The following GRAMD1B variants were observed in gnomAD, a reference collection of about 807,000 sequenced individuals.
GRAMD1B encodes the protein GRAM domain containing 1B.
In GRAMD1B, 37 loss-of-function variants were observed where a neutral mutation model predicts 99.7. The observed-to-expected ratio is 0.37, with a 90% CI of 0.29 to 0.49. GRAMD1B has a LOEUF of 0.49. Ranked by LOEUF, GRAMD1B falls within the 20% of genes least tolerant of loss-of-function variation. The probability of loss-of-function intolerance (pLI) is 0.98; values close to 1 mark genes in which losing one functional copy is unlikely to be tolerated. For missense variants in GRAMD1B, 888 were observed against 1,009.2 expected (o/e 0.88, Z 1.63); for synonymous variants, 427 against 387.6 (o/e 1.10, Z -1.19).
rs541546146 is a variant in GRAMD1B, at chr11:123,512,694, A to G, written c.452+31801A>G. On this transcript the variant is annotated intron_variant, in intron 2 of 19. Transcript: ENST00000635736. ...GAAACCGATGTCATTTCAAAGCAGCATTGTGAATCTTTTTTTTTTTTTTTT... is the reference window on the plus strand; with the variant it reads ...GAAACCGATGTCATTTCAAAGCAGCGTTGTGAATCTTTTTTTTTTTTTTTT... Among the ~76,000 whole-genome samples the G allele has an allele frequency of 4.3e-5, 6 of 140,706 alleles. No individual in the cohort carries two copies. The South Asian group carries it at 1.1e-3, about 27-fold the overall frequency. The allele number at this position is 140,706 out of a possible 152,430, so 92.3% of individuals were successfully genotyped here.
chr11:123,386,766 C>T (rs1192245781), intron 1 of GRAMD1B, among the ~76,000 whole-genome samples: 3 of 152,162 alleles, frequency 2.0e-5, no homozygotes, highest in South Asian at 2.1e-4. Flanking sequence ...ATACTTCTTC[C>T]TTAAAAAACA....
intron 1 of GRAMD1B, among the ~76,000 whole-genome samples, chr11:123,411,216 G>C (rs748279850): frequency 6.6e-6 from 1 of 151,972 alleles, no homozygotes; most frequent in Non-Finnish European, 1.5e-5. Flanking sequence ...GTGTTAGCCA[G>C]GATGGTCTCG....
chr11:123,547,678 C>T lies in GRAMD1B; in HGVS notation c.453-29689C>T, dbSNP rs184460349. ...TAAGGCATCTCTCCTTTAGTCTAAA[C>T]ATGCCTAGTTACTTTACAGTTTTGC... On this transcript the variant is annotated intron_variant, in intron 2 of 19. Transcript: ENST00000635736. 1.4e-3 allele frequency among the ~76,000 whole-genome samples: 213 copies of T among 152,328 alleles called. 1 individual carries two copies. The highest frequency in any genetic ancestry group is 6.9e-4 in the Non-Finnish European group (47 of 68,020).
intron 1 of GRAMD1B, among the ~76,000 whole-genome samples, chr11:123,478,613 C>T (rs1951425020): frequency 6.6e-6 from 1 of 152,102 alleles, no homozygotes; most frequent in Non-Finnish European, 1.5e-5. Context: ...TTGCAAATAT[C>T]AGCTTAGAAT....
chr11:123,594,756 G>T lies in GRAMD1B; in HGVS notation c.791G>T (p.Arg264Ile). The change falls in exon 6 of 20, where the codon AGA becomes ATA. Residue 264 changes from arginine (R) to isoleucine (I), a missense_variant. This residue lies in a region of GRAMD1B where 62 missense variants were observed against 139.4 expected (regional missense o/e 0.44). Transcript: ENST00000635736. ...LIVDYSCALQ[R>I]DILLQGRLYL... is the part of the protein sequence containing the mutation. The stretch of plus-strand genomic sequence containing the variant: ...ACAGATTACTCATGTGCACTCCAAA[G>T]AGACATTCTCCTTCAGGGCCGACTC... 1 of 1,595,516 alleles carries T rather than the reference G, an allele frequency of 6.3e-7. No homozygotes were observed. Among genetic ancestry groups the T allele is most frequent in the Non-Finnish European group, 8.6e-7 (1 of 1,163,104 alleles).
intron 2 of GRAMD1B, among the ~76,000 whole-genome samples, chr11:123,488,918 G>C (rs1938195036): frequency 6.6e-6 from 1 of 151,830 alleles, no homozygotes; most frequent in African/African-American, 2.4e-5. Flanking sequence ...TTGGAGCTCA[G>C]GGAAAATAGT....
intron 2 of GRAMD1B, among the ~76,000 whole-genome samples, chr11:123,523,824 T>A (rs1290170059): frequency 6.6e-6 from 1 of 152,178 alleles, no homozygotes; most frequent in Non-Finnish European, 1.5e-5. Flanking sequence ...CCCTTCAATA[T>A]CTGTGCTGAA....
intron 2 of GRAMD1B, among the ~76,000 whole-genome samples, chr11:123,549,887 G>T (rs1257122180): frequency 1.3e-5 from 2 of 152,078 alleles, no homozygotes; most frequent in Admixed American, 1.3e-4. Flanking sequence ...CTGGGGGAGG[G>T]TGACTGAGCA....
chr11:123,364,662 T>C (rs893456579), intron 1 of GRAMD1B, among the ~76,000 whole-genome samples: 4 of 152,172 alleles, frequency 2.6e-5, no homozygotes, highest in Non-Finnish European at 4.4e-5. Flanking sequence ...TTTCAGAGTA[T>C]GGCTTCCCAG....
At chr11:123,540,368 C>G (rs1273536186) in intron 2 of GRAMD1B, among the ~76,000 whole-genome samples, 1 of 152,200 alleles carries the variant, frequency 6.6e-6, no homozygotes, top group East Asian at 1.9e-4. Flanking sequence ...GCATGAGCCA[C>G]AGCACCCAGC....
chr11:123,593,681 TG>T, intron 4 of GRAMD1B, among the ~76,000 whole-genome samples: 1 of 152,126 alleles, frequency 6.6e-6, no homozygotes, highest in Non-Finnish European at 1.5e-5. Flanking sequence ...GGCAACATCA[TG>T]GGGGGCTGGG....
intron 1 of GRAMD1B, among the ~76,000 whole-genome samples, chr11:123,363,579 T>TTGTTTTTTTTTTTG (rs1373825615): frequency 1.4e-4 from 21 of 149,630 alleles, no homozygotes; most frequent in African/African-American, 5.1e-4. Context: ...ACTTTTTTTT[T>TTGTTTTTTTTTTTG]GTTTGTTTTT....
chr11:123,471,432 A>G (rs1951011231), intron 1 of GRAMD1B, among the ~76,000 whole-genome samples: 1 of 152,202 alleles, frequency 6.6e-6, no homozygotes, highest in Non-Finnish European at 1.5e-5. Context: ...GAGTGTCTGA[A>G]TGAGTCCCGG....
Position 123,625,524 on chromosome 11 carries a change from G to A in GRAMD1B, c.*2929G>A, listed in dbSNP as rs1328951657. On this transcript the variant is annotated 3_prime_UTR_variant, in exon 20 of 20. Coordinates refer to ENST00000635736, the MANE Select transcript of GRAMD1B (RefSeq NM_001387025.1). ...TCCTCATCCACCTCTTTGGGGACAA[G>A]AGGATTACATCTCAGGCCAGCAAGA... 7 of 152,222 alleles carry A rather than the reference G, an allele frequency of 4.6e-5. No individual in the cohort carries two copies. Among genetic ancestry groups the A allele is most frequent in the Non-Finnish European group, 1.0e-4 (7 of 68,044 alleles). 9.4% of individuals were successfully genotyped at this position (152,222 alleles called of 1,614,324 possible).
At chr11:123,489,849 ATTTG>A (rs1565294723) in intron 2 of GRAMD1B, among the ~76,000 whole-genome samples, 1 of 152,216 alleles carries the variant, frequency 6.6e-6, no homozygotes, top group African/African-American at 2.4e-5. Flanking sequence ...GGATAAATTC[ATTTG>A]TTCATTCATT....
chr11:123,408,675 C>T lies in GRAMD1B; in HGVS notation c.-176+49876C>T, dbSNP rs541074317. 1.7e-4 allele frequency among the ~76,000 whole-genome samples: 26 copies of T among 152,368 alleles called. No individual in the cohort carries two copies. The South Asian group carries it at 5.2e-3, about 30-fold the overall frequency. ...AGACTGAAGAAGTTTGGCAAGACTA[C>T]CTATGTGCTTAGGCACTCATGGGTA... On this transcript the variant is annotated intron_variant, in intron 1 of 20. Coordinates refer to the GRAMD1B transcript ENST00000638157.
intron 2 of GRAMD1B, among the ~76,000 whole-genome samples, chr11:123,513,607 TTCCTTCCTTC>T (rs1941341398): frequency 8.4e-6 from 1 of 118,666 alleles, no homozygotes; most frequent in African/African-American, 3.5e-5. Context: ...CCTTCCTTCC[TTCCTTCCTTC>T]CTTTCTTTCT....
At chr11:123,593,932 G>T (rs763803081) in intron 4 of GRAMD1B, 150 bp from the exon 5 acceptor site, 6 of 632,272 alleles carry the variant, frequency 9.5e-6, no homozygotes, top group Non-Finnish European at 1.4e-5. Flanking sequence ...CCGAGGCGCC[G>T]TTCCTCAGCC....
At chr11:123,406,552 C>G (rs974631884) in intron 1 of GRAMD1B, among the ~76,000 whole-genome samples, 1 of 152,136 alleles carries the variant, frequency 6.6e-6, no homozygotes. Context: ...CTGCCGGGCC[C>G]ATTGTTGTTT....
Sources: gnomAD v4.1 joint callset for allele counts (sites outside exome capture counted in the v4.1 genomes callset) on GRCh38, gnomAD v4.1.1 for gene constraint, gnomAD v4.1.1 regional missense constraint, MANE v1.5 for transcripts, NCBI Gene and HGNC (gene_info 2026-07-23, HGNC 2026-07-21) for gene names.